ZNF90: variants seen among roughly 807,000 people sequenced by gnomAD.
ZNF90 encodes the protein zinc finger protein 90.
ZNF90 carries 11 observed loss-of-function variants against 12.0 expected under a neutral mutation model. The ratio of observed to expected loss-of-function variants is 0.92; its 90% CI spans 0.58 to 1.52. ZNF90 has a LOEUF of 1.52. ZNF90 is among the 40% of genes most tolerant of loss of function. The probability of loss-of-function intolerance (pLI) is 0.00; values close to 1 mark genes in which losing one functional copy is unlikely to be tolerated. For synonymous variants in ZNF90, 232 were observed against 240.1 expected (o/e 0.97, Z 0.31); for missense variants, 765 against 711.5 (o/e 1.08, Z -0.86).
At position 20,117,823 on chromosome 19, in the gene ZNF90, G is replaced by T. The variant is rs1437767531; in HGVS notation, c.269G>T (p.Ser90Ile). The change falls in exon 4 of 4, where the codon AGC (serine) becomes ATC (isoleucine). Residue 90 changes from serine (S) to isoleucine (I), a missense_variant. Transcript: ENST00000418063. ...HFAQDLCPEQ[S>I]LKDSFQKVIV... The stretch of plus-strand genomic sequence containing the variant: ...GCCCAAGACCTTTGTCCAGAGCAGA[G>T]CCTAAAAGATTCCTTCCAAAAAGTG... The T allele has an allele frequency of 5.0e-6, 8 of 1,590,228 alleles. No individual in the cohort carries two copies. The highest frequency in any genetic ancestry group is 1.4e-5 in the African/African-American group (1 of 73,920).
chr19:20,084,061 A>G (rs1469948655), intron 1 of ZNF90, among the ~76,000 whole-genome samples: 1 of 51,268 alleles, frequency 2.0e-5, no homozygotes, highest in Non-Finnish European at 3.6e-5. Context: ...TGACCATACC[A>G]TATTTTCTTT....
intron 1 of ZNF90, among the ~76,000 whole-genome samples, chr19:20,088,202 A>G (rs1453726071): frequency 6.6e-6 from 1 of 150,476 alleles, no homozygotes; most frequent in African/African-American, 2.4e-5. Flanking sequence ...GGCGGCAAAA[A>G]TTTTTGGGGG....
At chr19:20,079,447 T>G (rs1009877696) in intron 1 of ZNF90, among the ~76,000 whole-genome samples, 1 of 151,998 alleles carries the variant, frequency 6.6e-6, no homozygotes, top group Non-Finnish European at 1.5e-5. Context: ...AAACGTTAGA[T>G]TTATGGAAAA....
rs547730162 is a variant in ZNF90 at position 20,103,084 on chromosome 19, G to C, written c.4-1155G>C. Among the ~76,000 whole-genome samples the C allele has an allele frequency of 1.1e-4, 16 of 152,296 alleles. No homozygotes were observed. In the East Asian group the frequency reaches 2.9e-3, roughly 28 times the overall value. On this transcript the variant is annotated intron_variant, in intron 1 of 3. Coordinates refer to ENST00000418063, the MANE Select transcript of ZNF90 (RefSeq NM_007138.2). ...GGACTCAATCCTTTGAGTCCTTTGAGAAAAAGACAGTTTGAGAGAGAAAGG... is the reference window on the plus strand; with the variant it reads ...GGACTCAATCCTTTGAGTCCTTTGACAAAAAGACAGTTTGAGAGAGAAAGG...
chr19:20,099,133 T>C (rs1555703566), intron 1 of ZNF90, among the ~76,000 whole-genome samples: 1 of 152,146 alleles, frequency 6.6e-6, no homozygotes, highest in African/African-American at 2.4e-5. Flanking sequence ...TGACTTCTGA[T>C]GTCTACACCC....
intron 1 of ZNF90, chr19:20,087,105 A>G (rs1555702178): frequency 6.6e-6 from 1 of 152,234 alleles, no homozygotes; most frequent in Non-Finnish European, 1.5e-5. Context: ...GATGGAAAAG[A>G]AACTTTATAA....
At chr19:20,116,153 G>A (rs1274089244) in intron 3 of ZNF90, among the ~76,000 whole-genome samples, 6 of 152,054 alleles carry the variant, frequency 3.9e-5, no homozygotes, top group East Asian at 1.9e-4. Flanking sequence ...TATTACAGGC[G>A]TGAACCACTG....
In ZNF90 at chr19:20,105,902, A is replaced by G. The variant is rs189009118; in HGVS notation, c.226+586A>G. 4.4e-3 allele frequency among the ~76,000 whole-genome samples: 665 copies of G among 152,256 alleles called. 14 individuals carry two copies. The highest frequency in any genetic ancestry group is 0.015 in the African/African-American group (611 of 41,572). On this transcript the variant is annotated intron_variant, in intron 3 of 3. Transcript: ENST00000418063. ...AGAATTGTATTTTCCATTTCTGTGA[A>G]AAAGATACCACTGCAATTTTGCTAG...
At chr19:20,089,825 G>C (rs559651608) in intron 1 of ZNF90, among the ~76,000 whole-genome samples, 1 of 152,260 alleles carries the variant, frequency 6.6e-6, no homozygotes, top group African/African-American at 2.4e-5. Context: ...GGGGACAGCT[G>C]TGTAGGCACT....
chr19:20,113,301 C>T (rs1406262401), intron 3 of ZNF90, among the ~76,000 whole-genome samples: 1 of 151,994 alleles, frequency 6.6e-6, no homozygotes, highest in Admixed American at 6.6e-5. Flanking sequence ...AGCCCTTCTC[C>T]TGCCTCAGCC....
At chr19:20,096,745 G>A (rs1191900996) in intron 1 of ZNF90, among the ~76,000 whole-genome samples, 3 of 152,166 alleles carry the variant, frequency 2.0e-5, no homozygotes, top group Non-Finnish European at 2.9e-5. Flanking sequence ...AGGTCACAGG[G>A]GATGCGATGG....
rs1555706332 is a variant in ZNF90 at position 20,119,400 on chromosome 19, CTGGAGAGAAACCGTAT to C, written c.*41_*56del. 12 of 1,512,166 alleles carry C rather than the reference CTGGAGAGAAACCGTAT, an allele frequency of 7.9e-6. No homozygotes were observed. Among genetic ancestry groups the C allele is most frequent in the Non-Finnish European group, 9.8e-6 (11 of 1,122,088 alleles). 93.7% of individuals were successfully genotyped at this position (1,512,166 alleles called of 1,614,324 possible). A position where few individuals can be genotyped will look rare whatever the true frequency, so the allele number is the denominator to read the frequency against. On this transcript the variant is annotated 3_prime_UTR_variant, in exon 4 of 4. Transcript: ENST00000418063. ...CTTAATAAACATAAGATAATTCATACTGGAGAGAAACCGTATAAATGTGATGACTGTTGGAAAGCCT... is the reference window on the plus strand; with the variant it reads ...CTTAATAAACATAAGATAATTCATACAAATGTGATGACTGTTGGAAAGCCT...
At chr19:20,082,795 G>A (rs1327162548) in intron 1 of ZNF90, among the ~76,000 whole-genome samples, 1 of 152,170 alleles carries the variant, frequency 6.6e-6, no homozygotes, top group African/African-American at 2.4e-5. Flanking sequence ...AAAAGAGAAA[G>A]TCCTCTTTGC....
chr19:20,103,944 T>A (rs1555704114), intron 1 of ZNF90, among the ~76,000 whole-genome samples: 1 of 152,208 alleles, frequency 6.6e-6, no homozygotes, highest in African/African-American at 2.4e-5. Flanking sequence ...TTCCGTATGA[T>A]CTAAATATAG....
In ZNF90 at chr19:20,112,724, C is replaced by T. The variant is rs572048567; in HGVS notation, c.227-5057C>T. 2.0e-4 allele frequency among the ~76,000 whole-genome samples: 30 copies of T among 152,086 alleles called. No homozygotes were observed. The South Asian group carries it at 5.2e-3, about 26-fold the overall frequency. Reference sequence around the variant, plus strand: ...TTTTTGAAGTAAAATAATTTAAAATCGAGTATTGCTGGTTAGAAATGTTTT... The same window carrying T: ...TTTTTGAAGTAAAATAATTTAAAATTGAGTATTGCTGGTTAGAAATGTTTT... On this transcript the variant is annotated intron_variant, in intron 3 of 3. Coordinates refer to ENST00000418063, the MANE Select transcript of ZNF90 (RefSeq NM_007138.2).
At chr19:20,096,143 G>A (rs1343580311) in intron 1 of ZNF90, among the ~76,000 whole-genome samples, 1 of 152,130 alleles carries the variant, frequency 6.6e-6, no homozygotes, top group East Asian at 1.9e-4. Context: ...AGAGGTTGAG[G>A]GATAGTGAGG....
At chr19:20,092,406 C>G (rs1342205922) in intron 1 of ZNF90, among the ~76,000 whole-genome samples, 1 of 152,096 alleles carries the variant, frequency 6.6e-6, no homozygotes, top group East Asian at 1.9e-4. Flanking sequence ...GATCCTGGTC[C>G]TTGTGTAAGA....
intron 1 of ZNF90, among the ~76,000 whole-genome samples, chr19:20,099,623 C>T (rs192116300): frequency 7.1e-4 from 108 of 152,304 alleles, no homozygotes; most frequent in Non-Finnish European, 1.3e-3. Context: ...AGGCGTCCCA[C>T]GACAGGCAGT....
intron 3 of ZNF90, among the ~76,000 whole-genome samples, chr19:20,117,071 G>A (rs1001312092): frequency 6.7e-6 from 1 of 149,988 alleles, no homozygotes; most frequent in South Asian, 2.1e-4. Context: ...GAGACAGAAT[G>A]TCATTCTGTT....
Sources: allele counts gnomAD v4.1 joint callset (sites outside exome capture counted in the v4.1 genomes callset), GRCh38; gene constraint gnomAD v4.1.1; transcripts MANE v1.5; gene names NCBI Gene and HGNC (gene_info 2026-07-23, HGNC 2026-07-21).